APBB2: variants seen among roughly 807,000 people sequenced by gnomAD.
APBB2 encodes Fe65-like 1.
In APBB2, 38 loss-of-function variants were observed where a neutral mutation model predicts 82.5. That is an observed-to-expected ratio of 0.46 (90% CI 0.36 to 0.60). The LOEUF is 0.60. Ranked by LOEUF, APBB2 falls within the 20% of genes least tolerant of loss-of-function variation. APBB2 has a pLI of 0.00. For missense variants in APBB2, 772 were observed against 972.3 expected (o/e 0.79, Z 2.74); for synonymous variants, 341 against 368.2 (o/e 0.93, Z 0.85).
chr4:41,072,768 A>G (rs1428165178), intron 3 of APBB2, among the ~76,000 whole-genome samples: 1 of 152,246 alleles, frequency 6.6e-6, no homozygotes. Flanking sequence ...AATAAGCAGA[A>G]TCTCCAGAAA....
chr4:40,894,115 C>T (rs758469002), intron 10 of APBB2, among the ~76,000 whole-genome samples: 4 of 151,984 alleles, frequency 2.6e-5, no homozygotes, highest in Admixed American at 6.6e-5. Flanking sequence ...GGTGAAGCAC[C>T]GTCTCTACTA....
chr4:41,019,267 G>A (rs1252669853), intron 5 of APBB2, among the ~76,000 whole-genome samples: 1 of 152,158 alleles, frequency 6.6e-6, no homozygotes, highest in Admixed American at 6.5e-5. Flanking sequence ...AATAAAGAGA[G>A]TAAAAGTGGA....
At chr4:41,153,201 AC>A (rs1762698266) in intron 1 of APBB2, among the ~76,000 whole-genome samples, 1 of 152,148 alleles carries the variant, frequency 6.6e-6, no homozygotes, top group African/African-American at 2.4e-5. Context: ...GTTTTACCTT[AC>A]CCTTTGATGC....
chr4:40,873,503 T>C (rs1766087239), intron 12 of APBB2, among the ~76,000 whole-genome samples: 1 of 152,200 alleles, frequency 6.6e-6, no homozygotes, highest in Admixed American at 6.5e-5. Context: ...AACATTTCCT[T>C]TAGGCAAGAA....
chr4:41,057,286 AC>A (rs1328546128), intron 4 of APBB2, among the ~76,000 whole-genome samples: 6 of 152,096 alleles, frequency 3.9e-5, no homozygotes, highest in Non-Finnish European at 1.5e-5. Context: ...CCCCCTCTCT[AC>A]TAAAAATACA....
chr4:40,897,177 A>T (rs938076799), intron 10 of APBB2, among the ~76,000 whole-genome samples: 5 of 152,210 alleles, frequency 3.3e-5, no homozygotes, highest in Admixed American at 1.3e-4. Flanking sequence ...AAAATATGCA[A>T]ATCACCCGAC....
At chr4:41,156,632 C>T (rs1045301154) in intron 1 of APBB2, among the ~76,000 whole-genome samples, 1 of 152,182 alleles carries the variant, frequency 6.6e-6, no homozygotes, top group African/African-American at 2.4e-5. Context: ...TTGTCTTTCA[C>T]AGAAGATGGA....
At chr4:40,929,111 A>G (rs1783442520) in intron 10 of APBB2, among the ~76,000 whole-genome samples, 2 of 151,872 alleles carry the variant, frequency 1.3e-5, no homozygotes, top group African/African-American at 2.4e-5. Flanking sequence ...AGGATACAAC[A>G]TGACGGCGAT....
intron 6 of APBB2, among the ~76,000 whole-genome samples, chr4:41,009,640 T>C (rs1038072417): frequency 6.6e-6 from 1 of 152,184 alleles, no homozygotes; most frequent in African/African-American, 2.4e-5. Flanking sequence ...CCAAAGATAA[T>C]TGCATCATGA....
At chr4:40,954,198 G>A (rs1560374549) in intron 6 of APBB2, among the ~76,000 whole-genome samples, 2 of 152,204 alleles carry the variant, frequency 1.3e-5, no homozygotes, top group Non-Finnish European at 2.9e-5. Flanking sequence ...GCTTCTAGCA[G>A]CAGCTGGAAA....
chr4:41,041,501 T>A (rs1017041171), intron 4 of APBB2, among the ~76,000 whole-genome samples: 1 of 152,242 alleles, frequency 6.6e-6, no homozygotes, highest in Non-Finnish European at 1.5e-5. Flanking sequence ...CATTAACCGT[T>A]ACTGGTAATA....
At chr4:40,905,396 T>C (rs1345448609) in intron 10 of APBB2, among the ~76,000 whole-genome samples, 2 of 152,190 alleles carry the variant, frequency 1.3e-5, no homozygotes, top group African/African-American at 4.8e-5. Flanking sequence ...GGCAACGCAG[T>C]TGAGCAGCGG....
rs35766512 is a variant in APBB2 at position 40,901,909 on chromosome 4, A to ATGTGTGTGTGTGTGTG, written c.1255-8514_1255-8499dup. On this transcript the variant is annotated intron_variant, in intron 10 of 17. Transcript: ENST00000508593. ...ACACCCTGAAAATATATCCAAAATT[A>ATGTGTGTGTGTGTGTG]TGTGTGTGTGTGTGTGTGTGTGTGT... Among the ~76,000 whole-genome samples the ATGTGTGTGTGTGTGTG allele has an allele frequency of 3.4e-3, 497 of 145,532 alleles. 2 individuals carry two copies. Among genetic ancestry groups the ATGTGTGTGTGTGTGTG allele is most frequent in the African/African-American group, 0.012 (467 of 39,278 alleles).
At chr4:41,052,509 A>T (rs1175009758) in intron 4 of APBB2, among the ~76,000 whole-genome samples, 2 of 152,166 alleles carry the variant, frequency 1.3e-5, no homozygotes. Context: ...CTCGTAGACA[A>T]GATCAAGCAC....
intron 10 of APBB2, among the ~76,000 whole-genome samples, chr4:40,915,255 C>T (rs1190215450): frequency 1.3e-5 from 2 of 152,030 alleles, no homozygotes; most frequent in African/African-American, 2.4e-5. Flanking sequence ...GGAAGCCTCC[C>T]TGATTACTTA....
intron 12 of APBB2, among the ~76,000 whole-genome samples, chr4:40,846,904 G>C (rs969825106): frequency 8.6e-5 from 13 of 151,848 alleles, no homozygotes; most frequent in South Asian, 2.1e-4. Context: ...AAGAATTAAC[G>C]AGCTTCAGCT....
Position 40,812,942 on chromosome 4 carries a change from CAT to C in APBB2, c.*3148_*3149del, listed in dbSNP as rs1222395899. Reference sequence around the variant, plus strand: ...TATATATCTCTTAGATGAAATCACACATGTTGTGAAGGGTAGAAAAACGAAGC... The same window carrying C: ...TATATATCTCTTAGATGAAATCACACGTTGTGAAGGGTAGAAAAACGAAGC... On this transcript the variant is annotated 3_prime_UTR_variant, in exon 18 of 18. Coordinates refer to ENST00000508593, the MANE Select transcript of APBB2 (RefSeq NM_004307.2). 2 of 152,174 alleles carry C rather than the reference CAT, an allele frequency of 1.3e-5. No homozygotes were observed. The highest frequency in any genetic ancestry group is 2.9e-5 in the Non-Finnish European group (2 of 68,038). The allele number at this position is 152,174 out of a possible 1,614,324, so 9.4% of individuals were successfully genotyped here. A position where few individuals can be genotyped will look rare whatever the true frequency, so the allele number is the denominator to read the frequency against.
At chr4:41,157,241 C>G (rs1357796048) in intron 1 of APBB2, among the ~76,000 whole-genome samples, 1 of 152,112 alleles carries the variant, frequency 6.6e-6, no homozygotes, top group Non-Finnish European at 1.5e-5. Context: ...CTGGTGCAGG[C>G]AGGTCAGCAC....
At chr4:41,023,258 A>C (rs552828414) in intron 5 of APBB2, among the ~76,000 whole-genome samples, 1 of 152,354 alleles carries the variant, frequency 6.6e-6, no homozygotes, top group East Asian at 1.9e-4. Flanking sequence ...GGCATGAGTT[A>C]GCAGTTCTTG....
Sources: gnomAD v4.1 joint callset for allele counts (sites outside exome capture counted in the v4.1 genomes callset) on GRCh38, gnomAD v4.1.1 for gene constraint, MANE v1.5 for transcripts, NCBI Gene and HGNC (gene_info 2026-07-23, HGNC 2026-07-21) for gene names.